Variants in TRIM69 observed in about 807,000 individuals in gnomAD.
TRIM69 encodes tripartite motif containing 69.
Under a neutral mutation model 37.7 loss-of-function variants are expected in TRIM69, and 29 were observed. The observed-to-expected ratio is 0.77, with a 90% confidence interval of 0.57 to 1.05. The LOEUF (loss-of-function observed/expected upper bound fraction) is 1.05, where lower values mean the gene tolerates loss of function less well. TRIM69 is among the 50% of genes least tolerant of loss of function. The pLI, the probability that TRIM69 is intolerant of heterozygous loss-of-function variation, is 0.00. For synonymous variants in TRIM69, 209 were observed against 212.4 expected (o/e 0.98, Z 0.14); for missense variants, 596 against 579.9 (o/e 1.03, Z -0.28).
At chr15:44,746,259 C>A (rs2087404789) in intron 1 of TRIM69, among the ~76,000 whole-genome samples, 1 of 152,136 alleles carries the variant, frequency 6.6e-6, no homozygotes, top group Non-Finnish European at 1.5e-5. Context: ...TCTGGCCAAA[C>A]TATCTTTCCA....
At chr15:44,763,169 G>A (rs2087814062) in intron 6 of TRIM69, among the ~76,000 whole-genome samples, 1 of 152,072 alleles carries the variant, frequency 6.6e-6, no homozygotes, top group Non-Finnish European at 1.5e-5. Context: ...ACACTAAGTT[G>A]TCATTTTCTT....
Position 44,755,207 on chromosome 15 carries a change from A to G in TRIM69, c.314A>G (p.Lys105Arg). The change falls in exon 2 of 7, where the codon AAG becomes AGG. Residue 105 changes from lysine (K) to arginine (R), a missense_variant. By Grantham distance (26) the Lys-to-Arg change is conservative. Transcript: ENST00000329464. The part of the protein sequence containing the change: ...VLDKLVEKIK[K>R]LPLLKGHPQC... ...GACAAGTTGGTAGAGAAGATTAAGA[A>G]GTTACCCTTACTCAAGGGCCATCCA... is the stretch of plus-strand genomic sequence containing the variant. 1 of 1,614,228 alleles carries G rather than the reference A, an allele frequency of 6.2e-7. No homozygotes were observed. Among genetic ancestry groups the G allele is most frequent in the East Asian group, 2.2e-5 (1 of 44,890 alleles).
rs752010745 is a variant in TRIM69 at position 44,759,798 on chromosome 15, A to G, written c.887A>G (p.Lys296Arg). 2 of 1,614,194 alleles carry G rather than the reference A, an allele frequency of 1.2e-6. No individual in the cohort carries two copies. The highest frequency in any genetic ancestry group is 1.7e-6 in the Non-Finnish European group (2 of 1,180,032). Residue 296 changes from lysine to arginine, a missense_variant, in exon 6 of 7, where the codon AAG (lysine) becomes AGG (arginine). Coordinates refer to ENST00000329464, the MANE Select transcript of TRIM69 (RefSeq NM_182985.5). The part of the protein sequence containing the change: ...VLATRELISR[K>R]LNLGQYKGPI... Reference sequence around the variant, plus strand: ...GCAACCAGAGAGCTTATTTCCAGAAAGCTGAACCTGGGCCAGTACAAAGGT... The same window carrying G: ...GCAACCAGAGAGCTTATTTCCAGAAGGCTGAACCTGGGCCAGTACAAAGGT...
intron 1 of TRIM69, among the ~76,000 whole-genome samples, chr15:44,752,665 C>T (rs561550634): frequency 6.6e-6 from 1 of 152,182 alleles, no homozygotes; most frequent in East Asian, 1.9e-4. Context: ...TTGTTATTTT[C>T]TGTATGTGCT....
At chr15:44,754,801 G>T in intron 1 of TRIM69, 99 bp from the exon 2 acceptor site, 2 of 859,750 alleles carry the variant, frequency 2.3e-6, no homozygotes, top group Non-Finnish European at 1.9e-6. Context: ...TACTTTAGTT[G>T]TACCAATTTT....
At chr15:44,755,603 TA>T (rs1351978053) in intron 2 of TRIM69, among the ~76,000 whole-genome samples, 2 of 152,218 alleles carry the variant, frequency 1.3e-5, no homozygotes, top group African/African-American at 2.4e-5. Flanking sequence ...AATCTGTACC[TA>T]AACTCTGCCA....
intron 1 of TRIM69, among the ~76,000 whole-genome samples, chr15:44,750,300 T>G (rs539964783): frequency 6.6e-6 from 1 of 152,222 alleles, no homozygotes; most frequent in Non-Finnish European, 1.5e-5. Context: ...TCTTGTTTTT[T>G]TGGAAGAGTT....
chr15:44,740,190 C>T (rs1208115436), intron 1 of TRIM69, among the ~76,000 whole-genome samples: 1 of 152,176 alleles, frequency 6.6e-6, no homozygotes, highest in African/African-American at 2.4e-5. Context: ...AGAAGGAAAA[C>T]TAACAAACAG....
In TRIM69 at chr15:44,756,406, T is replaced by C. The variant is rs1420476613; in HGVS notation, c.522T>C (p.Thr174=). Residue 174 remains threonine (T), a synonymous_variant, in exon 3 of 7, where the codon ACT becomes ACC. Coordinates refer to ENST00000329464, the MANE Select transcript of TRIM69 (RefSeq NM_182985.5). ...LAIQQGQLET[T]LKELQTLRNM... ...TCCAACAGGGTCAACTGGAGACAAC[T>C]CTGAAGGAGCTTCAGACCCTGAGGA... The C allele has an allele frequency of 3.9e-6, 6 of 1,550,988 alleles. No homozygotes were observed. The African/African-American group carries it at 8.2e-5, about 21-fold the overall frequency.
In TRIM69 at chr15:44,756,439, G is replaced by C. The variant is rs1435757171; in HGVS notation, c.555G>C (p.Gln185His). ...AGCTTCAGACCCTGAGGAACATGCA[G>C]AAGGAAGCTATTGCTGCTCACAAGG... ...LKELQTLRNM[Q>H]KEAIAAHKEN... Residue 185 changes from glutamine to histidine, a missense_variant, in exon 3 of 7, where the codon CAG (glutamine) becomes CAC (histidine). Coordinates refer to ENST00000329464, the MANE Select transcript of TRIM69 (RefSeq NM_182985.5). The C allele has an allele frequency of 6.4e-7, 1 of 1,551,304 alleles. No homozygotes were observed. Among genetic ancestry groups the C allele is most frequent in the Admixed American group, 2.0e-5 (1 of 50,996 alleles).
intron 2 of TRIM69, 122 bp from the exon 3 acceptor site, chr15:44,756,246 A>T: frequency 1.6e-6 from 1 of 637,664 alleles, no homozygotes; most frequent in Non-Finnish European, 2.8e-6. Flanking sequence ...ATACAGGGGA[A>T]GGGGAAGATT....
rs755592624 is a variant in TRIM69 at position 44,767,774 on chromosome 15, G to A, written c.*2G>A. 13 of 1,606,774 alleles carry A rather than the reference G, an allele frequency of 8.1e-6. No individual in the cohort carries two copies. The highest frequency in any genetic ancestry group is 1.7e-5 in the Admixed American group (1 of 59,654). ...TTGCACATCTTACATCCACAGTAAT[G>A]AGTCATAATATTATACAAATTCAGA... is the stretch of plus-strand genomic sequence containing the variant. On this transcript the variant is annotated 3_prime_UTR_variant, in exon 7 of 7. Coordinates refer to ENST00000329464, the MANE Select transcript of TRIM69 (RefSeq NM_182985.5).
Position 44,754,919 on chromosome 15 carries a change from C to T in TRIM69, c.26C>T (p.Ser9Phe). MEVSTNPS[S>F]NIDPGDYVEM... ...CTAAAGGTATCCACCAACCCCTCCT[C>T]CAACATCGATCCAGGCGACTATGTT... Residue 9 changes from serine to phenylalanine, a missense_variant, in exon 2 of 7, where the codon TCC becomes TTC. Physicochemically the swap from Ser to Phe is radical, Grantham distance 155. Coordinates refer to ENST00000329464, the MANE Select transcript of TRIM69 (RefSeq NM_182985.5). The T allele has an allele frequency of 6.2e-7, 1 of 1,612,526 alleles. No individual in the cohort carries two copies.
In TRIM69 at chr15:44,767,800, G is replaced by A. The variant is rs770817598; in HGVS notation, c.*28G>A. ...AGTCATAATATTATACAAATTCAGA[G>A]TGTTATTAAAGAGGTATTGAAATAT... On this transcript the variant is annotated 3_prime_UTR_variant, in exon 7 of 7. Coordinates refer to ENST00000329464, the MANE Select transcript of TRIM69 (RefSeq NM_182985.5). 39 of 1,569,282 alleles carry A rather than the reference G, an allele frequency of 2.5e-5. No individual in the cohort carries two copies. Among genetic ancestry groups the A allele is most frequent in the Non-Finnish European group, 3.3e-5 (38 of 1,159,316 alleles).
In TRIM69 at chr15:44,767,599, G is replaced by A; in HGVS notation, c.1330G>A (p.Gly444Ser). The A allele has an allele frequency of 6.2e-7, 1 of 1,614,140 alleles. No homozygotes were observed. Among genetic ancestry groups the A allele is most frequent in the South Asian group, 1.1e-5 (1 of 91,084 alleles). The change falls in exon 7 of 7, where the codon GGC (glycine) becomes AGC (serine). Residue 444 changes from glycine (G) to serine (S), a missense_variant. Coordinates refer to ENST00000329464, the MANE Select transcript of TRIM69 (RefSeq NM_182985.5). ...ACTGACTAACAACCTCGACAAGGTG[G>A]GCATATACCTGGATTATGAAGGAGG... The part of the protein sequence containing the change: ...LTLTNNLDKV[G>S]IYLDYEGGQL...
In TRIM69 at chr15:44,758,848, T is replaced by C. The variant is rs1389104402; in HGVS notation, c.807T>C (p.Phe269=). 1.2e-6 allele frequency: 2 copies of C among 1,611,908 alleles called. No homozygotes were observed. Among genetic ancestry groups the C allele is most frequent in the Admixed American group, 1.7e-5 (1 of 59,650 alleles). The change falls in exon 4 of 7, where the codon TTT becomes TTC. Residue 269 remains phenylalanine (F), a synonymous_variant. Coordinates refer to ENST00000329464, the MANE Select transcript of TRIM69 (RefSeq NM_182985.5). ...CGGAACAACAGAACTCCTTCGACTT[T>C]CTCAAAGTGAGAATCCACACCAATA... ...AKTEQQNSFD[F]LKDITTLLHS...
intron 6 of TRIM69, among the ~76,000 whole-genome samples, chr15:44,766,638 T>A (rs1180681614): frequency 1.3e-5 from 2 of 152,224 alleles, no homozygotes; most frequent in Non-Finnish European, 2.9e-5. Context: ...TATTTATTAG[T>A]ATAGGTTTAT....
At chr15:44,756,057 T>C (rs1341422082) in intron 2 of TRIM69, among the ~76,000 whole-genome samples, 2 of 152,088 alleles carry the variant, frequency 1.3e-5, no homozygotes, top group Non-Finnish European at 2.9e-5. Context: ...ACTCCATAAT[T>C]CTTTTTTTTT....
chr15:44,758,430 A>T, intron 3 of TRIM69, 191 bp from the exon 4 acceptor site: 1 of 843,240 alleles, frequency 1.2e-6, no homozygotes, highest in Non-Finnish European at 1.8e-6. Flanking sequence ...CTGAACTATT[A>T]AATTAGTTGG....
Sources: allele counts gnomAD v4.1 joint callset (sites outside exome capture counted in the v4.1 genomes callset), GRCh38; gene constraint gnomAD v4.1.1; transcripts MANE v1.5; gene names NCBI Gene and HGNC (gene_info 2026-07-23, HGNC 2026-07-21).